The following AAMDC variants were observed in gnomAD, a reference collection of about 807,000 sequenced individuals.
AAMDC encodes mth938 domain-containing protein.
A neutral mutation model predicts 15.5 loss-of-function variants in AAMDC; 16 were observed. The ratio of observed to expected loss-of-function variants is 1.03; its 90% CI spans 0.70 to 1.57. The LOEUF (loss-of-function observed/expected upper bound fraction) is 1.57. AAMDC is among the 40% of genes most tolerant of loss of function. The pLI is 0.00. For synonymous variants in AAMDC, 51 were observed against 51.6 expected (o/e 0.99, Z 0.05); for missense variants, 141 against 144.9 (o/e 0.97, Z 0.14).
At chr11:77,870,362 GA>G (rs1951365578) in intron 3 of AAMDC, among the ~76,000 whole-genome samples, 1 of 134,416 alleles carries the variant, frequency 7.4e-6, no homozygotes, top group African/African-American at 2.8e-5. Flanking sequence ...TTTTGAGACG[GA>G]GTCTTGTTCT....
chr11:77,901,315 C>G, downstream of AAMDC: 1 of 1,209,204 alleles, frequency 8.3e-7, no homozygotes, highest in Admixed American at 1.8e-5. Flanking sequence ...GCTAGTCTTT[C>G]CTAAATTTCA....
chr11:77,883,892 G>C, intron 5 of AAMDC: 1 of 1,613,102 alleles, frequency 6.2e-7, no homozygotes, highest in Non-Finnish European at 8.5e-7. Context: ...CCTGGGCCAG[G>C]ATTCCGGAAG....
At chr11:77,838,337 T>G (rs963212299) in intron 1 of AAMDC, among the ~76,000 whole-genome samples, 1 of 152,224 alleles carries the variant, frequency 6.6e-6, no homozygotes, top group African/African-American at 2.4e-5. Context: ...CTACAGTCAG[T>G]AGACTAGTGT....
intron 5 of AAMDC, among the ~76,000 whole-genome samples, chr11:77,892,671 C>T (rs1450514458): frequency 6.6e-6 from 1 of 152,112 alleles, no homozygotes; most frequent in Non-Finnish European, 1.5e-5. Flanking sequence ...GAACCTCCGC[C>T]TCCCGGGTTC....
chr11:77,879,340 G>A (rs1341865731), intron 5 of AAMDC, among the ~76,000 whole-genome samples: 1 of 152,212 alleles, frequency 6.6e-6, no homozygotes, highest in Non-Finnish European at 1.5e-5. Context: ...GTGGCACAGA[G>A]CCAAAGCTGC....
chr11:77,898,423 A>G (rs1283857674), intron 5 of AAMDC, among the ~76,000 whole-genome samples: 1 of 152,156 alleles, frequency 6.6e-6, no homozygotes, highest in Admixed American at 6.5e-5. Context: ...TGGACTCCCA[A>G]AGTGATGGGA....
intron 5 of AAMDC, among the ~76,000 whole-genome samples, chr11:77,881,415 A>C (rs561307393): frequency 5.6e-4 from 85 of 152,326 alleles, no homozygotes; most frequent in African/African-American, 1.9e-3. Flanking sequence ...TAGGAGAAAG[A>C]AACTGCAAGC....
At chr11:77,877,779 C>T (rs1951640502) in intron 5 of AAMDC, among the ~76,000 whole-genome samples, 1 of 151,518 alleles carries the variant, frequency 6.6e-6, no homozygotes, top group Non-Finnish European at 1.5e-5. Context: ...GATGGGGTCT[C>T]GCTATGTTGC....
At chr11:77,823,313 C>T (rs376547139) in intron 1 of AAMDC, among the ~76,000 whole-genome samples, 45 of 151,066 alleles carry the variant, frequency 3.0e-4, no homozygotes, top group African/African-American at 9.5e-4. Context: ...TTTAATAAGT[C>T]GGAAAATATT....
chr11:77,897,886 G>A (rs772814104), intron 5 of AAMDC, among the ~76,000 whole-genome samples: 19 of 152,040 alleles, frequency 1.2e-4, no homozygotes, highest in Non-Finnish European at 1.5e-4. Context: ...ATAGCTCATT[G>A]CAGCCTTGAA....
At chr11:77,892,326 G>T (rs1051109051) in intron 5 of AAMDC, among the ~76,000 whole-genome samples, 2 of 152,092 alleles carry the variant, frequency 1.3e-5, no homozygotes, top group African/African-American at 2.4e-5. Context: ...AGTTAAGTAC[G>T]TTACTCCTGG....
intron 5 of AAMDC, among the ~76,000 whole-genome samples, chr11:77,898,226 C>T (rs1173515249): frequency 6.6e-6 from 1 of 152,056 alleles, no homozygotes; most frequent in Non-Finnish European, 1.5e-5. Context: ...TGCAGTGGTG[C>T]GATCTCGGCT....
At chr11:77,889,328 T>C (rs1438324131) in intron 5 of AAMDC, among the ~76,000 whole-genome samples, 2 of 142,406 alleles carry the variant, frequency 1.4e-5, no homozygotes, top group Non-Finnish European at 3.0e-5. Context: ...TTCTCACTCA[T>C]AGGTGGGAAC....
intron 5 of AAMDC, among the ~76,000 whole-genome samples, chr11:77,877,871 C>T (rs550031979): frequency 6.6e-6 from 1 of 152,204 alleles, no homozygotes; most frequent in African/African-American, 2.4e-5. Flanking sequence ...AGGCATGAGC[C>T]ACAGCCCCCA....
chr11:77,825,110 A>C (rs1949108125), intron 1 of AAMDC, among the ~76,000 whole-genome samples: 1 of 152,024 alleles, frequency 6.6e-6, no homozygotes, highest in African/African-American at 2.4e-5. Context: ...CCTCCCGAGT[A>C]GCTGGGGCTA....
chr11:77,840,730 C>T (rs1949894519), intron 1 of AAMDC, among the ~76,000 whole-genome samples: 1 of 152,092 alleles, frequency 6.6e-6, no homozygotes, highest in Non-Finnish European at 1.5e-5. Context: ...TTTCAGTTTA[C>T]TGAGTGTGGG....
chr11:77,869,276 C>T (rs143246375), intron 2 of AAMDC: 41 of 169,924 alleles, frequency 2.4e-4, no homozygotes, highest in African/African-American at 9.8e-4. Context: ...ACTTGGAATG[C>T]CTTGTTTCCC....
chr11:77,825,894 G>A (rs991204625), intron 1 of AAMDC, among the ~76,000 whole-genome samples: 3 of 151,986 alleles, frequency 2.0e-5, no homozygotes, highest in Non-Finnish European at 2.9e-5. Flanking sequence ...GTTTCACTAC[G>A]TTGGCCAGGC....
At chr11:77,903,865 GCTTCTGGAAGCAGA>G (rs1187586942), downstream of AAMDC, among the ~76,000 whole-genome samples, 1 of 152,104 alleles carries the variant, frequency 6.6e-6, no homozygotes, top group East Asian at 1.9e-4. Flanking sequence ...CCAGATCAGT[GCTTCTGGAAGCAGA>G]GGACAGGAAC....
Sources: allele counts gnomAD v4.1 joint callset (sites outside exome capture counted in the v4.1 genomes callset), GRCh38; gene constraint gnomAD v4.1.1; transcripts MANE v1.5; gene names NCBI Gene and HGNC (gene_info 2026-07-23, HGNC 2026-07-21).